SERPINE2: variants seen among roughly 807,000 people sequenced by gnomAD.
The protein encoded by SERPINE2 is serpin family E member 2.
In SERPINE2, 14 loss-of-function variants were observed where a neutral mutation model predicts 36.3. That is an observed-to-expected ratio of 0.39 (90% CI 0.25 to 0.60). The LOEUF (loss-of-function observed/expected upper bound fraction) is 0.60. Ranked by LOEUF, SERPINE2 falls within the 20% of genes least tolerant of loss-of-function variation. SERPINE2 has a pLI of 0.57. For missense variants in SERPINE2, 418 were observed against 499.6 expected (o/e 0.84, Z 1.56); for synonymous variants, 192 against 191.8 (o/e 1.00, Z -0.01).
At position 223,998,678 on chromosome 2, in the gene SERPINE2, T is replaced by G. The variant is rs188370011; in HGVS notation, c.260-336A>C. On this transcript the variant is annotated intron_variant, in intron 2 of 8. Transcript: ENST00000409304. ...CTGCAGTAAGCCATGATCGGGCCCC[T>G]GCATACAGCCTGGGTGACTAAGCAA... Among the ~76,000 whole-genome samples, 142 of 152,240 alleles carry G rather than the reference T, an allele frequency of 9.3e-4. 1 individual carries two copies. The highest frequency in any genetic ancestry group is 8.1e-3 in the East Asian group (42 of 5,178).
intron 1 of SERPINE2, among the ~76,000 whole-genome samples, chr2:224,011,728 A>C (rs141797132): frequency 4.6e-5 from 7 of 152,372 alleles, no homozygotes; most frequent in Non-Finnish European, 2.9e-5. Context: ...CTATTGGAAC[A>C]GTAATACCCC....
intron 7 of SERPINE2, 51 bp downstream of exon 7, chr2:223,980,260 T>C: frequency 7.1e-7 from 1 of 1,417,144 alleles, no homozygotes; most frequent in South Asian, 1.1e-5. Flanking sequence ...TATACAGGAA[T>C]GTGTTTGCTC....
chr2:223,982,883 C>G (rs544953880), intron 5 of SERPINE2, 102 bp from the exon 6 acceptor site: 16 of 748,774 alleles, frequency 2.1e-5, no homozygotes, highest in Non-Finnish European at 3.5e-5. Context: ...AAGTTAATAT[C>G]TGAATACCGA....
chr2:223,980,264 T>C (rs1260258436), intron 7 of SERPINE2, 47 bp downstream of exon 7: 2 of 1,464,044 alleles, frequency 1.4e-6, no homozygotes, highest in Non-Finnish European at 1.9e-6. Context: ...CAGGAATGTG[T>C]TTGCTCCCCT....
chr2:224,028,372 C>G (rs767877594), intron 1 of SERPINE2, among the ~76,000 whole-genome samples: 1 of 152,186 alleles, frequency 6.6e-6, no homozygotes. Flanking sequence ...AAGTATTTTG[C>G]CTAAAGCCAC....
At chr2:224,014,450 T>C (rs1691729663) in intron 1 of SERPINE2, among the ~76,000 whole-genome samples, 3 of 152,304 alleles carry the variant, frequency 2.0e-5, no homozygotes, top group South Asian at 2.1e-4. Flanking sequence ...AGTCATTGCA[T>C]TGATGAGAAA....
At chr2:224,019,002 A>T (rs1691895051) in intron 1 of SERPINE2, among the ~76,000 whole-genome samples, 1 of 152,080 alleles carries the variant, frequency 6.6e-6, no homozygotes, top group Non-Finnish European at 1.5e-5. Flanking sequence ...CTTGCAAGAA[A>T]ATTCAGCACC....
intron 1 of SERPINE2, among the ~76,000 whole-genome samples, chr2:224,037,866 C>T (rs1692582436): frequency 6.6e-6 from 1 of 152,182 alleles, no homozygotes; most frequent in African/African-American, 2.4e-5. Flanking sequence ...AATTGCCCTG[C>T]ATGGTACGAT....
chr2:224,030,983 A>C, intron 1 of SERPINE2: 1 of 985,436 alleles, frequency 1.0e-6, no homozygotes, highest in Non-Finnish European at 1.2e-6. Flanking sequence ...TACCACACAG[A>C]TACTGGCCTC....
chr2:224,026,499 C>T (rs1156974156), intron 1 of SERPINE2, among the ~76,000 whole-genome samples: 1 of 152,128 alleles, frequency 6.6e-6, no homozygotes, highest in African/African-American at 2.4e-5. Flanking sequence ...TTTGCCTTCC[C>T]CATCTGTTCT....
chr2:223,997,307 C>G (rs13384766), intron 3 of SERPINE2, among the ~76,000 whole-genome samples: 39,966 of 151,908 alleles, frequency 0.26, 6,381 homozygotes, highest in African/African-American at 0.45. Context: ...TGCAATCTCC[C>G]CCTCCCAGGT....
rs770154931 is a variant in SERPINE2, at chr2:223,984,826, T to G, written c.810A>C (p.Pro270=). ...TGTCTATGGTCTTGGTGCTGATGTGTGGGATGATGGCAGACAGCGGAGTGG... is the reference window on the plus strand; with the variant it reads ...TGTCTATGGTCTTGGTGCTGATGTGGGGGATGATGGCAGACAGCGGAGTGG... ...ESSTPLSAII[P]HISTKTIDSW... Residue 270 remains proline, a synonymous_variant, in exon 5 of 9, where the codon CCA becomes CCC. Transcript: ENST00000409304. The G allele has an allele frequency of 6.2e-7, 1 of 1,614,032 alleles. No homozygotes were observed. The highest frequency in any genetic ancestry group is 2.2e-5 in the East Asian group (1 of 44,888).
At chr2:224,003,248 G>A (rs949318776) in intron 1 of SERPINE2, among the ~76,000 whole-genome samples, 78 of 152,214 alleles carry the variant, frequency 5.1e-4, no homozygotes, top group African/African-American at 1.7e-3. Flanking sequence ...AATCAAGGTC[G>A]TAAAGAAGGG....
chr2:223,976,711 C>T (rs1690025822), intron 8 of SERPINE2, among the ~76,000 whole-genome samples: 1 of 152,236 alleles, frequency 6.6e-6, no homozygotes. Context: ...GTCAGCACTA[C>T]TGTTGTCCTC....
intron 1 of SERPINE2, among the ~76,000 whole-genome samples, chr2:224,033,222 G>A (rs1006821354): frequency 1.3e-5 from 2 of 152,154 alleles, no homozygotes; most frequent in African/African-American, 2.4e-5. Flanking sequence ...TGGAGAACAG[G>A]TTGACAAGAT....
chr2:224,011,366 C>T (rs1559212543), intron 1 of SERPINE2, among the ~76,000 whole-genome samples: 1 of 152,160 alleles, frequency 6.6e-6, no homozygotes, highest in Non-Finnish European at 1.5e-5. Context: ...AGTTCATGAC[C>T]ATGTTTTTAG....
intron 1 of SERPINE2, among the ~76,000 whole-genome samples, chr2:224,003,621 CAG>C (rs1377673473): frequency 2.0e-5 from 3 of 152,214 alleles, no homozygotes; most frequent in African/African-American, 7.2e-5. Flanking sequence ...TTACCACTCA[CAG>C]AGCTTTCTCT....
At chr2:223,992,417 C>T (rs547813122) in intron 3 of SERPINE2, among the ~76,000 whole-genome samples, 1 of 152,162 alleles carries the variant, frequency 6.6e-6, no homozygotes, top group African/African-American at 2.4e-5. Flanking sequence ...ACAAGATAAA[C>T]AATTTTGTTT....
intron 1 of SERPINE2, chr2:224,030,409 C>G (rs1018236656): frequency 5.7e-6 from 1 of 176,604 alleles, no homozygotes; most frequent in African/African-American, 2.4e-5. Context: ...GCCACAACCA[C>G]AGCCACCTCG....
Sources: gnomAD v4.1 joint callset for allele counts (sites outside exome capture counted in the v4.1 genomes callset) on GRCh38, gnomAD v4.1.1 for gene constraint, MANE v1.5 for transcripts, NCBI Gene and HGNC (gene_info 2026-07-23, HGNC 2026-07-21) for gene names.